Variants in RAB12 observed in about 807,000 individuals in gnomAD.
RAB12 encodes ras-related protein Rab-12.
In RAB12, 11 loss-of-function variants were observed where a neutral mutation model predicts 28.4. That is an observed-to-expected ratio of 0.39 (90% confidence interval 0.24 to 0.64). The LOEUF is 0.64. Ranked by LOEUF, RAB12 falls within the 30% of genes least tolerant of loss-of-function variation. The probability of loss-of-function intolerance (pLI) is 0.50; values close to 1 mark genes in which losing one functional copy is unlikely to be tolerated. For missense variants in RAB12, 276 were observed against 351.1 expected (o/e 0.79, Z 1.71); for synonymous variants, 138 against 145.3 (o/e 0.95, Z 0.36).
intron 2 of RAB12, 36 bp downstream of exon 2, chr18:8,625,034 G>C: frequency 7.3e-7 from 1 of 1,368,824 alleles, no homozygotes; most frequent in Non-Finnish European, 1.0e-6. Flanking sequence ...AATGTGCTGT[G>C]TGTGTTTAAC....
intron 1 of RAB12, among the ~76,000 whole-genome samples, chr18:8,622,993 T>G (rs1194604544): frequency 6.6e-6 from 1 of 152,230 alleles, no homozygotes; most frequent in African/African-American, 2.4e-5. Context: ...TCTTGTTCCC[T>G]GAACATTGCT....
In RAB12 at chr18:8,609,793, G is replaced by T; in HGVS notation, c.354G>T (p.Pro118=). Residue 118 remains proline (P), a synonymous_variant, in exon 1 of 6, where the codon CCG becomes CCT. Coordinates refer to ENST00000649141, the MANE Select transcript of RAB12 (RefSeq NM_001025300.3). Reference sequence around the variant, plus strand: ...GCGGCGGTCTGGGCGCGGGCTCCCCGGCGCTGTCGGGCGGCCAGGGCCGCC... The same window carrying T: ...GCGGCGGTCTGGGCGCGGGCTCCCCTGCGCTGTCGGGCGGCCAGGGCCGCC... ...GGGGGLGAGS[P]ALSGGQGRRR... 7.2e-7 allele frequency: 1 copy of T among 1,391,994 alleles called. No individual in the cohort carries two copies. 86.2% of individuals were successfully genotyped at this position (1,391,994 alleles called of 1,614,324 possible). A position where few individuals can be genotyped will look rare whatever the true frequency, so the allele number is the denominator to read the frequency against.
At position 8,638,923 on chromosome 18, in the gene RAB12, C is replaced by G. The variant is rs1158059252; in HGVS notation, c.*661C>G. The G allele has an allele frequency of 6.6e-6, 1 of 152,068 alleles. No individual in the cohort carries two copies. Among genetic ancestry groups the G allele is most frequent in the Non-Finnish European group, 1.5e-5 (1 of 68,016 alleles). 9.4% of individuals were successfully genotyped at this position (152,068 alleles called of 1,614,324 possible). On this transcript the variant is annotated 3_prime_UTR_variant, in exon 6 of 6. Coordinates refer to ENST00000649141, the MANE Select transcript of RAB12 (RefSeq NM_001025300.3). ...GGATGTACCTTTATGCTTTTAAGAA[C>G]TACAAAGATTCAATAAAGAAAGAAA...
chr18:8,635,570 A>G lies in RAB12; in HGVS notation c.752A>G (p.Asn251Ser), dbSNP rs1465620742. 5.0e-6 allele frequency: 8 copies of G among 1,612,816 alleles called. No homozygotes were observed. In the Admixed American group the frequency reaches 1.0e-4, roughly 20 times the overall value. ...SEDAELLLVG[N>S]KLDCETDREI... ...GATGCAGAGCTTCTCTTAGTTGGAA[A>G]TAAGTTGGACTGTGAAACGGACAGA... Residue 251 changes from asparagine to serine, a missense_variant, in exon 4 of 6, where the codon AAT (asparagine) becomes AGT (serine). Asn to Ser is a conservative substitution (Grantham distance 46). Around this residue, in one of 4 missense-constraint regions of RAB12, gnomAD observed 127 missense variants for 161.4 expected, o/e 0.79. Transcript: ENST00000649141.
At chr18:8,615,087 C>T (rs997346761) in intron 1 of RAB12, among the ~76,000 whole-genome samples, 10 of 152,142 alleles carry the variant, frequency 6.6e-5, no homozygotes, top group East Asian at 1.9e-4. Flanking sequence ...GGTGGGGCCT[C>T]GGCCTGAGAC....
chr18:8,634,307 TA>T (rs1216983541), intron 3 of RAB12, among the ~76,000 whole-genome samples: 74 of 136,034 alleles, frequency 5.4e-4, no homozygotes, highest in African/African-American at 1.8e-3. Context: ...TTTTTTTCAT[TA>T]AAAAAAAAAG....
chr18:8,632,685 G>A (rs558198750), intron 2 of RAB12, among the ~76,000 whole-genome samples: 2 of 151,040 alleles, frequency 1.3e-5, no homozygotes, highest in South Asian at 2.1e-4. Flanking sequence ...GTGTGTGAGC[G>A]GGGAGTGGGT....
intron 2 of RAB12, among the ~76,000 whole-genome samples, chr18:8,627,173 G>T (rs1193820587): frequency 2.0e-5 from 3 of 152,238 alleles, no homozygotes; most frequent in Admixed American, 2.0e-4. Flanking sequence ...CAGCCCTTGT[G>T]CTGCTGCTGG....
chr18:8,609,660 G>A lies in RAB12; in HGVS notation c.221G>A (p.Gly74Glu), dbSNP rs2096002532. The part of the protein sequence containing the change: ...PRAAEAEGAP[G>E]PGARSRGAGG... The stretch of plus-strand genomic sequence containing the variant: ...GCGGCGGAGGCCGAGGGGGCGCCGG[G>A]GCCCGGGGCGCGCAGCCGGGGGGCG... The change falls in exon 1 of 6, where the codon GGG becomes GAG. Residue 74 changes from glycine to glutamate, a missense_variant. Gly to Glu is a moderately conservative substitution (Grantham distance 98). Coordinates refer to ENST00000649141, the MANE Select transcript of RAB12 (RefSeq NM_001025300.3). The A allele has an allele frequency of 2.4e-6, 2 of 847,540 alleles. No homozygotes were observed. The highest frequency in any genetic ancestry group is 2.8e-6 in the Non-Finnish European group (2 of 706,726). The allele number at this position is 847,540 out of a possible 1,614,324, so 52.5% of individuals were successfully genotyped here.
chr18:8,622,453 C>T (rs1464095536), intron 1 of RAB12, among the ~76,000 whole-genome samples: 1 of 152,080 alleles, frequency 6.6e-6, no homozygotes, highest in Non-Finnish European at 1.5e-5. Flanking sequence ...CGGTAGGTTC[C>T]GTGATGCCCC....
intron 2 of RAB12, among the ~76,000 whole-genome samples, chr18:8,628,149 A>G (rs1236826342): frequency 6.6e-6 from 1 of 152,216 alleles, no homozygotes; most frequent in Non-Finnish European, 1.5e-5. Context: ...TTATGGGGAA[A>G]AAGAGGGAAA....
chr18:8,611,049 A>G (rs1355515223), intron 1 of RAB12, among the ~76,000 whole-genome samples: 1 of 152,110 alleles, frequency 6.6e-6, no homozygotes, highest in Non-Finnish European at 1.5e-5. Context: ...CAATTTTTGT[A>G]CTGTCTTTCT....
chr18:8,610,055 G>A lies in RAB12; in HGVS notation c.514+102G>A. On this transcript the variant is annotated intron_variant, in intron 1 of 5. Transcript: ENST00000649141. ...CTCATCGAGCCTGGGAGTCTTTCGG[G>A]GATGGGCCTCTCGGTGAAACTAGGG... 3.5e-6 allele frequency: 3 copies of A among 849,002 alleles called. 1 individual carries two copies. Among genetic ancestry groups the A allele is most frequent in the Non-Finnish European group, 1.9e-6 (1 of 537,268 alleles). The allele number at this position is 849,002 out of a possible 1,614,324, so 52.6% of individuals were successfully genotyped here. A position where few individuals can be genotyped will look rare whatever the true frequency, so the allele number is the denominator to read the frequency against.
intron 1 of RAB12, 92 bp from the exon 2 acceptor site, chr18:8,624,846 A>T (rs2096011809): frequency 2.3e-6 from 2 of 864,606 alleles, no homozygotes; most frequent in Admixed American, 2.3e-5. Context: ...TTTTTTTCTG[A>T]TAATGATAAC....
intron 1 of RAB12, among the ~76,000 whole-genome samples, chr18:8,620,875 G>C (rs1598309471): frequency 6.6e-6 from 1 of 152,334 alleles, no homozygotes; most frequent in East Asian, 1.9e-4. Context: ...GCAGTCAGAA[G>C]AGGTCAGATG....
At chr18:8,634,828 G>C (rs1346588794) in intron 3 of RAB12, among the ~76,000 whole-genome samples, 1 of 152,190 alleles carries the variant, frequency 6.6e-6, no homozygotes, top group Middle Eastern at 3.2e-3. Context: ...TCTGTTTCAA[G>C]TAACTTTTTA....
chr18:8,635,363 C>T, intron 3 of RAB12, 170 bp from the exon 4 acceptor site: 2 of 527,606 alleles, frequency 3.8e-6, no homozygotes, highest in African/African-American at 2.0e-5. Flanking sequence ...ACAGTGAGCC[C>T]TGCCTTGCAC....
At chr18:8,610,189 C>T in intron 1 of RAB12, 3 of 420,424 alleles carry the variant, frequency 7.1e-6, no homozygotes, top group Non-Finnish European at 1.3e-5. Context: ...CCTCAGAGGT[C>T]CTGGCAGCCC....
At chr18:8,610,303 C>A (rs1473331843) in intron 1 of RAB12, among the ~76,000 whole-genome samples, 5 of 152,198 alleles carry the variant, frequency 3.3e-5, no homozygotes, top group Non-Finnish European at 7.3e-5. Context: ...GGGGAGTGAA[C>A]GCCTAAGGCC....
Sources: gnomAD v4.1 joint callset for allele counts (sites outside exome capture counted in the v4.1 genomes callset) on GRCh38, gnomAD v4.1.1 for gene constraint, gnomAD v4.1.1 regional missense constraint, MANE v1.5 for transcripts, NCBI Gene and HGNC (gene_info 2026-07-23, HGNC 2026-07-21) for gene names.